PHLPP1: variants seen among roughly 807,000 people sequenced by gnomAD.
PHLPP1 encodes PH domain and leucine rich repeat protein phosphatase 1.
PHLPP1 carries 42 observed loss-of-function variants against 117.2 expected under a neutral mutation model. The ratio of observed to expected loss-of-function variants is 0.36; its 90% CI spans 0.28 to 0.46. PHLPP1 has a LOEUF of 0.46. Among genes scored for constraint, PHLPP1 ranks in the 20% least tolerant of loss-of-function variants. The pLI, the probability that PHLPP1 is intolerant of heterozygous loss-of-function variation, is 1.00. For synonymous variants in PHLPP1, 1,042 were observed against 970.7 expected (o/e 1.07, Z -1.37); for missense variants, 2,084 against 2,241.9 (o/e 0.93, Z 1.42).
At chr18:62,738,405 T>TA (rs1215285797) in intron 1 of PHLPP1, among the ~76,000 whole-genome samples, 1 of 152,032 alleles carries the variant, frequency 6.6e-6, no homozygotes, top group Non-Finnish European at 1.5e-5. Flanking sequence ...TAAAAAATAA[T>TA]AAAAAAATGC....
intron 1 of PHLPP1, among the ~76,000 whole-genome samples, chr18:62,788,216 G>A (rs181033052): frequency 3.3e-5 from 5 of 152,136 alleles, no homozygotes; most frequent in Non-Finnish European, 5.9e-5. Context: ...AGAACCCCTA[G>A]GCTTTATCTC....
chr18:62,783,430 A>T (rs779339149), intron 1 of PHLPP1, among the ~76,000 whole-genome samples: 2 of 151,956 alleles, frequency 1.3e-5, no homozygotes, highest in Non-Finnish European at 2.9e-5. Flanking sequence ...GGGTTTCACC[A>T]TGTTAGCCAG....
rs926369995 is a variant in PHLPP1, at chr18:62,963,285, A to G, written c.3456-83A>G. On this transcript the variant is annotated intron_variant, in intron 13 of 16. Coordinates refer to ENST00000262719, the MANE Select transcript of PHLPP1 (RefSeq NM_194449.4). ...TAAGTACAGAGTGTTTAACAGGTGT[A>G]TTTTTTATTTCTTGGATAAAGGTAG... 5.8e-5 allele frequency: 51 copies of G among 875,814 alleles called. No individual in the cohort carries two copies. In the African/African-American group the frequency reaches 8.1e-4, roughly 14 times the overall value. The allele number at this position is 875,814 out of a possible 1,614,324, so 54.3% of individuals were successfully genotyped here. A position where few individuals can be genotyped will look rare whatever the true frequency, so the allele number is the denominator to read the frequency against.
At chr18:62,737,239 G>A (rs1001880588) in intron 1 of PHLPP1, among the ~76,000 whole-genome samples, 1 of 152,146 alleles carries the variant, frequency 6.6e-6, no homozygotes, top group African/African-American at 2.4e-5. Flanking sequence ...ATGAATGACA[G>A]GGCTCGATGT....
intron 13 of PHLPP1, among the ~76,000 whole-genome samples, chr18:62,959,053 A>G (rs571894478): frequency 1.3e-5 from 2 of 152,358 alleles, no homozygotes; most frequent in South Asian, 4.1e-4. Flanking sequence ...CAGGTTATTT[A>G]AATAAAACCA....
chr18:62,975,177 T>C (rs564661307), intron 15 of PHLPP1, among the ~76,000 whole-genome samples: 2 of 152,176 alleles, frequency 1.3e-5, no homozygotes, highest in Non-Finnish European at 1.5e-5. Flanking sequence ...GATACTGTCT[T>C]CCAGTTGTGA....
intron 10 of PHLPP1, among the ~76,000 whole-genome samples, chr18:62,933,234 TC>T (rs1909869965): frequency 6.6e-6 from 1 of 152,156 alleles, no homozygotes; most frequent in African/African-American, 2.4e-5. Flanking sequence ...ACTACCAATG[TC>T]ATTTTTCATG....
intron 4 of PHLPP1, 79 bp downstream of exon 4, chr18:62,860,680 C>A: frequency 8.3e-7 from 1 of 1,199,464 alleles, no homozygotes; most frequent in Non-Finnish European, 1.2e-6. Context: ...CTTGAATATT[C>A]TCATGAAAAA....
intron 4 of PHLPP1, among the ~76,000 whole-genome samples, chr18:62,871,888 G>A (rs1280269992): frequency 8.6e-5 from 13 of 151,988 alleles, no homozygotes; most frequent in African/African-American, 2.7e-4. Flanking sequence ...CAAGTGATCC[G>A]CCTGCCTCGG....
intron 14 of PHLPP1, among the ~76,000 whole-genome samples, chr18:62,966,899 G>C (rs1265348944): frequency 2.6e-5 from 4 of 151,992 alleles, no homozygotes; most frequent in Non-Finnish European, 5.9e-5. Context: ...CCTGTCCTTG[G>C]CAACTCCTGA....
At chr18:62,874,605 G>T (rs1915990983) in intron 4 of PHLPP1, among the ~76,000 whole-genome samples, 1 of 152,084 alleles carries the variant, frequency 6.6e-6, no homozygotes, top group East Asian at 1.9e-4. Flanking sequence ...TGCCAGACAG[G>T]AACCAGCCCT....
chr18:62,809,764 AT>A (rs950231068), intron 1 of PHLPP1, among the ~76,000 whole-genome samples: 1 of 151,924 alleles, frequency 6.6e-6, no homozygotes, highest in African/African-American at 2.4e-5. Flanking sequence ...TTGGGGCACT[AT>A]TTTTTTAAAA....
At chr18:62,780,623 G>A (rs191697197) in intron 1 of PHLPP1, among the ~76,000 whole-genome samples, 4 of 152,322 alleles carry the variant, frequency 2.6e-5, no homozygotes, top group East Asian at 3.9e-4. Flanking sequence ...AACATGGATT[G>A]CTGCTCCCCA....
chr18:62,842,346 G>A (rs1181759431), intron 3 of PHLPP1, among the ~76,000 whole-genome samples: 2 of 151,620 alleles, frequency 1.3e-5, no homozygotes, highest in Non-Finnish European at 2.9e-5. Context: ...AACAGAGGGT[G>A]TTACATTTTA....
chr18:62,777,100 G>A (rs1008278582), intron 1 of PHLPP1, among the ~76,000 whole-genome samples: 6 of 152,116 alleles, frequency 3.9e-5, no homozygotes, highest in East Asian at 1.9e-4. Context: ...GTAGATGTTC[G>A]TTTAATTTTA....
At chr18:62,894,570 ATTAT>A (rs1205599620) in intron 4 of PHLPP1, among the ~76,000 whole-genome samples, 2 of 152,138 alleles carry the variant, frequency 1.3e-5, no homozygotes, top group African/African-American at 4.8e-5. Context: ...ATAAGTTTTT[ATTAT>A]TTCAGTTTTG....
chr18:62,832,343 G>A (rs576793878), intron 2 of PHLPP1: 1 of 152,324 alleles, frequency 6.6e-6, no homozygotes, highest in African/African-American at 2.4e-5. Context: ...AGGGAATTTT[G>A]TAATGAAAGG....
chr18:62,928,846 G>A (rs1003332893), intron 10 of PHLPP1, among the ~76,000 whole-genome samples: 2 of 152,192 alleles, frequency 1.3e-5, no homozygotes, highest in African/African-American at 4.8e-5. Flanking sequence ...CAGCAACATG[G>A]ATAAACCCTG....
At chr18:62,968,697 C>T (rs1053132495) in intron 14 of PHLPP1, among the ~76,000 whole-genome samples, 3 of 151,902 alleles carry the variant, frequency 2.0e-5, no homozygotes, top group Non-Finnish European at 4.4e-5. Flanking sequence ...GCCACCACGC[C>T]CAGCTAATTT....
Sources: gnomAD v4.1 joint callset for allele counts (sites outside exome capture counted in the v4.1 genomes callset) on GRCh38, gnomAD v4.1.1 for gene constraint, MANE v1.5 for transcripts, NCBI Gene and HGNC (gene_info 2026-07-23, HGNC 2026-07-21) for gene names.